Variants in TPX2 observed in about 807,000 individuals in gnomAD.
The protein encoded by TPX2 is TPX2 microtubule nucleation factor, also known as targeting protein for Xklp2.
In TPX2, 21 loss-of-function variants were observed where a neutral mutation model predicts 93.6. That is an observed-to-expected ratio of 0.22 (90% CI 0.16 to 0.32). TPX2 has a LOEUF of 0.32. TPX2 is among the 10% of genes least tolerant of loss of function. TPX2 has a pLI of 1.00. For missense variants in TPX2, 776 were observed against 871.1 expected, an observed-to-expected ratio of 0.89 and a Z score of 1.37; for synonymous variants, 281 against 298.3, an observed-to-expected ratio of 0.94 and a Z score of 0.60.
intron 6 of TPX2, 83 bp downstream of exon 6, chr20:31,770,554 A>G (rs531347759): frequency 1.5e-5 from 19 of 1,273,660 alleles, no homozygotes; most frequent in Non-Finnish European, 1.9e-5. Flanking sequence ...CTGAATTTAC[A>G]CTTTAGATTG....
At chr20:31,789,272 A>G (rs1312431602) in intron 12 of TPX2, among the ~76,000 whole-genome samples, 1 of 152,186 alleles carries the variant, frequency 6.6e-6, no homozygotes, top group Non-Finnish European at 1.5e-5. Context: ...GTGTATCTAT[A>G]TTATTCACTC....
At chr20:31,794,271 C>G (rs2062120965) in intron 14 of TPX2, 131 bp from the exon 15 acceptor site, 5 of 1,284,278 alleles carry the variant, frequency 3.9e-6, no homozygotes, top group Non-Finnish European at 5.3e-6. Context: ...CCTTTTGAAC[C>G]CATTATTCAT....
intron 5 of TPX2, 113 bp downstream of exon 5, chr20:31,766,795 CTT>C (rs11299452): frequency 0.064 from 28,265 of 444,114 alleles, 1 homozygote; most frequent in Non-Finnish European, 0.067. Flanking sequence ...CTTTATGTTA[CTT>C]TTTTTTTTTT....
intron 5 of TPX2, among the ~76,000 whole-genome samples, chr20:31,769,506 AG>A (rs1367028100): frequency 2.6e-5 from 4 of 151,742 alleles, no homozygotes; most frequent in Non-Finnish European, 5.9e-5. Flanking sequence ...CTGTATTTTT[AG>A]TAGAGACGGG....
At chr20:31,795,360 C>T (rs1307661607) in intron 15 of TPX2, among the ~76,000 whole-genome samples, 1 of 152,236 alleles carries the variant, frequency 6.6e-6, no homozygotes, top group Non-Finnish European at 1.5e-5. Context: ...TCTCAAACTC[C>T]TGATCTCAAG....
At chr20:31,799,733 C>T (rs972743852) in intron 17 of TPX2, among the ~76,000 whole-genome samples, 2 of 151,576 alleles carry the variant, frequency 1.3e-5, no homozygotes, top group African/African-American at 4.9e-5. Flanking sequence ...AACTCTGTCT[C>T]TACTAAAAAT....
intron 1 of TPX2, among the ~76,000 whole-genome samples, chr20:31,741,305 G>T (rs914842292): frequency 3.4e-5 from 5 of 148,900 alleles, no homozygotes; most frequent in Admixed American, 3.3e-4. Context: ...TGTTTTTTTT[G>T]TTTTTGTTTT....
At chr20:31,773,453 G>A (rs1409474208) in intron 7 of TPX2, among the ~76,000 whole-genome samples, 1 of 149,508 alleles carries the variant, frequency 6.7e-6, no homozygotes, top group African/African-American at 2.4e-5. Flanking sequence ...GCCTGGCCCC[G>A]GCTAATTTTT....
At position 31,783,934 on chromosome 20, in the gene TPX2, C is replaced by T. The variant is rs772703437; in HGVS notation, c.1413+13C>T. 6.8e-6 allele frequency: 11 copies of T among 1,613,052 alleles called. No individual in the cohort carries two copies. The highest frequency in any genetic ancestry group is 9.3e-6 in the Non-Finnish European group (11 of 1,179,578). On this transcript the variant is annotated intron_variant, in intron 12 of 17. Transcript: ENST00000300403. The stretch of plus-strand genomic sequence containing the variant: ...GGAAGATGTTGTGGTAAGGTTGAGG[C>T]TATGTGTGCTGGCAGAAGTGTACTG...
At chr20:31,764,046 T>TACAC (rs945862329) in intron 4 of TPX2, among the ~76,000 whole-genome samples, 1 of 151,568 alleles carries the variant, frequency 6.6e-6, no homozygotes, top group Non-Finnish European at 1.5e-5. Flanking sequence ...TACATATATA[T>TACAC]ACACACACAC....
chr20:31,757,279 G>A (rs6060928), intron 2 of TPX2, 128 bp from the exon 3 acceptor site: 21,775 of 560,576 alleles, frequency 0.039, 3,624 homozygotes, highest in African/African-American at 0.36. Context: ...TAATGTTTAG[G>A]TTGATTGGAC....
At chr20:31,751,179 A>G (rs1382871307) in intron 2 of TPX2, among the ~76,000 whole-genome samples, 1 of 152,110 alleles carries the variant, frequency 6.6e-6, no homozygotes, top group African/African-American at 2.4e-5. Flanking sequence ...AGAAAGAAAA[A>G]AAGGATGTGA....
chr20:31,788,811 T>C (rs551893417), intron 12 of TPX2, among the ~76,000 whole-genome samples: 37 of 152,290 alleles, frequency 2.4e-4, no homozygotes, highest in Non-Finnish European at 3.7e-4. Flanking sequence ...GTGGTGTCAG[T>C]GAGACCAGTG....
In TPX2 at chr20:31,783,868, C is replaced by T. The variant is rs758562393; in HGVS notation, c.1360C>T (p.His454Tyr). ...RESKKKTEDE[H>Y]FEFHSRPCPT... ...ATCAAAGAAGAAAACAGAGGATGAA[C>T]ACTTTGAATTTCATTCCAGACCTTG... is the stretch of plus-strand genomic sequence containing the variant. The change falls in exon 12 of 18, where the codon CAC (histidine) becomes TAC (tyrosine). Residue 454 changes from histidine to tyrosine, a missense_variant. Around this residue, in one of 3 missense-constraint regions of TPX2, gnomAD observed 461 missense variants for 551.2 expected, o/e 0.84. Transcript: ENST00000300403. 6.8e-6 allele frequency: 11 copies of T among 1,609,282 alleles called. No individual in the cohort carries two copies. In the East Asian group the frequency reaches 2.2e-4, roughly 33 times the overall value.
rs556449582 is a variant in TPX2, at chr20:31,760,962, CCTT to C, written c.229+787_229+789del. On this transcript the variant is annotated intron_variant, in intron 4 of 17. Coordinates refer to ENST00000300403, the MANE Select transcript of TPX2 (RefSeq NM_012112.5). ...AGCATTCTTTAAGAGGTCATAAAAT[CCTT>C]CTTGAAATTGATTCTTTTGAAAAAA... 1.2e-4 allele frequency among the ~76,000 whole-genome samples: 19 copies of C among 152,054 alleles called. No homozygotes were observed. In the East Asian group the frequency reaches 3.1e-3, roughly 25 times the overall value.
Position 31,798,469 on chromosome 20 carries a change from C to G in TPX2, c.2050C>G (p.Gln684Glu). The change falls in exon 17 of 18, where the codon CAG becomes GAG. Residue 684 changes from glutamine (Q) to glutamate (E), a missense_variant. Around this residue, in one of 3 missense-constraint regions of TPX2, gnomAD observed 461 missense variants for 551.2 expected, o/e 0.84. Coordinates refer to ENST00000300403, the MANE Select transcript of TPX2 (RefSeq NM_012112.5). Reference sequence around the variant, plus strand: ...GAAGAGAATGGCTGAGGTAGAAGCCCAGAAAGCCCAGCAGTTGGAGGAGGC... The same window carrying G: ...GAAGAGAATGGCTGAGGTAGAAGCCGAGAAAGCCCAGCAGTTGGAGGAGGC... ...LEKRMAEVEA[Q>E]KAQQLEEARL... 6.2e-7 allele frequency: 1 copy of G among 1,613,736 alleles called. No homozygotes were observed. The highest frequency in any genetic ancestry group is 8.5e-7 in the Non-Finnish European group (1 of 1,180,008).
chr20:31,783,245 AT>A (rs1471545757), intron 11 of TPX2, among the ~76,000 whole-genome samples: 1 of 151,318 alleles, frequency 6.6e-6, no homozygotes, highest in Non-Finnish European at 1.5e-5. Flanking sequence ...TTCTTTTATT[AT>A]TTTTTATTTA....
intron 2 of TPX2, among the ~76,000 whole-genome samples, chr20:31,745,847 C>T (rs1002085678): frequency 3.9e-5 from 6 of 152,184 alleles, no homozygotes; most frequent in Non-Finnish European, 8.8e-5. Flanking sequence ...TTTTACAAAG[C>T]TCTCTGTCAT....
At chr20:31,798,294 C>G (rs1412993701) in intron 16 of TPX2, 71 bp from the exon 17 acceptor site, 1 of 1,589,480 alleles carries the variant, frequency 6.3e-7, no homozygotes, top group Non-Finnish European at 8.6e-7. Flanking sequence ...GTGCCACTTG[C>G]TCATTCCAGG....
Sources: allele counts gnomAD v4.1 joint callset (sites outside exome capture counted in the v4.1 genomes callset), GRCh38; gene constraint gnomAD v4.1.1; regional missense constraint gnomAD v4.1.1; transcripts MANE v1.5; gene names NCBI Gene and HGNC (gene_info 2026-07-23, HGNC 2026-07-21).